The following ARHGAP15 variants were observed in gnomAD, a reference collection of about 807,000 sequenced individuals.
The protein encoded by ARHGAP15 is rho GTPase-activating protein 15.
ARHGAP15 carries 51 observed loss-of-function variants against 63.7 expected under a neutral mutation model. The ratio of observed to expected loss-of-function variants is 0.80; its 90% confidence interval spans 0.64 to 1.01. ARHGAP15 has a LOEUF of 1.01. Among genes scored for constraint, ARHGAP15 ranks in the 50% least tolerant of loss-of-function variants. The pLI, the probability that ARHGAP15 is intolerant of heterozygous loss-of-function variation, is 0.00. For synonymous variants in ARHGAP15, 191 were observed against 193.8 expected, an observed-to-expected ratio of 0.99 and a Z score of 0.12; for missense variants, 560 against 564.6, an observed-to-expected ratio of 0.99 and a Z score of 0.08.
chr2:143,403,885 G>A (rs1558948173), intron 6 of ARHGAP15, among the ~76,000 whole-genome samples: 1 of 151,100 alleles, frequency 6.6e-6, no homozygotes, highest in Non-Finnish European at 1.5e-5. Context: ...AACTATCCAT[G>A]CAAGACTCTC....
intron 10 of ARHGAP15, among the ~76,000 whole-genome samples, chr2:143,545,550 C>A (rs1352948822): frequency 1.3e-5 from 2 of 151,544 alleles, no homozygotes; most frequent in Non-Finnish European, 2.9e-5. Context: ...AGTTGGCAAG[C>A]GTTCTCGGGG....
chr2:143,237,161 A>T (rs1277996744), intron 5 of ARHGAP15: 1 of 152,158 alleles, frequency 6.6e-6, no homozygotes, highest in African/African-American at 2.4e-5. Context: ...GGGAACTGAT[A>T]TATATATCAG....
At chr2:143,715,610 G>A (rs1684776889) in intron 13 of ARHGAP15, among the ~76,000 whole-genome samples, 1 of 152,254 alleles carries the variant, frequency 6.6e-6, no homozygotes, top group African/African-American at 2.4e-5. Context: ...CCTTATAGAT[G>A]CTGTATATTA....
At chr2:143,377,782 A>T (rs577595729) in intron 6 of ARHGAP15, among the ~76,000 whole-genome samples, 1 of 152,222 alleles carries the variant, frequency 6.6e-6, no homozygotes, top group East Asian at 1.9e-4. Context: ...TTTGTTCCTG[A>T]TTGAGTATAC....
intron 6 of ARHGAP15, chr2:143,435,387 T>C (rs1207091776): frequency 2.6e-6 from 3 of 1,168,810 alleles, no homozygotes; most frequent in Admixed American, 8.9e-5. Context: ...CGTTCTATTA[T>C]TAAAACAATA....
intron 6 of ARHGAP15, among the ~76,000 whole-genome samples, chr2:143,309,825 A>G (rs1175570698): frequency 6.6e-6 from 1 of 151,412 alleles, no homozygotes; most frequent in African/African-American, 2.4e-5. Flanking sequence ...AATATCTCCA[A>G]ACATTTAGAC....
intron 2 of ARHGAP15, among the ~76,000 whole-genome samples, chr2:143,160,545 G>T (rs903118632): frequency 6.6e-6 from 1 of 151,876 alleles, no homozygotes; most frequent in Non-Finnish European, 1.5e-5. Context: ...TAGGAGTGCT[G>T]CTTTCAAGAC....
intron 6 of ARHGAP15, among the ~76,000 whole-genome samples, chr2:143,384,688 A>G (rs1393782325): frequency 6.6e-6 from 1 of 152,194 alleles, no homozygotes; most frequent in East Asian, 1.9e-4. Context: ...TCATTCAGGA[A>G]TCACCCATAT....
chr2:143,605,110 T>C (rs549259213), intron 11 of ARHGAP15, among the ~76,000 whole-genome samples: 14 of 152,114 alleles, frequency 9.2e-5, no homozygotes, highest in Non-Finnish European at 1.9e-4. Flanking sequence ...GATTTTACCA[T>C]GTTGGCCAGG....
At chr2:143,523,784 A>G (rs566832867) in intron 10 of ARHGAP15, among the ~76,000 whole-genome samples, 1 of 152,286 alleles carries the variant, frequency 6.6e-6, no homozygotes, top group East Asian at 1.9e-4. Flanking sequence ...TATGTACCCA[A>G]ACTATTTTAA....
chr2:143,563,674 C>A (rs1252963375), intron 11 of ARHGAP15, among the ~76,000 whole-genome samples: 4 of 152,110 alleles, frequency 2.6e-5, no homozygotes, highest in East Asian at 1.9e-4. Context: ...CCAAGAAAAA[C>A]CCCTAAGATA....
intron 10 of ARHGAP15, among the ~76,000 whole-genome samples, chr2:143,547,494 G>C (rs1459009938): frequency 6.6e-6 from 1 of 151,876 alleles, no homozygotes; most frequent in Non-Finnish European, 1.5e-5. Context: ...TGGAAACCAG[G>C]AAATAATATT....
intron 11 of ARHGAP15, among the ~76,000 whole-genome samples, chr2:143,609,811 G>A (rs1317982909): frequency 6.6e-6 from 1 of 152,126 alleles, no homozygotes; most frequent in East Asian, 1.9e-4. Context: ...GCAGAACAGA[G>A]GGCAGGAGAC....
chr2:143,155,224 A>G (rs1001480277), intron 1 of ARHGAP15, among the ~76,000 whole-genome samples: 1 of 151,948 alleles, frequency 6.6e-6, no homozygotes, highest in Non-Finnish European at 1.5e-5. Context: ...AATGGAATTA[A>G]GAAACACAGT....
At chr2:143,253,528 A>T (rs1295418790) in intron 6 of ARHGAP15, among the ~76,000 whole-genome samples, 1 of 152,124 alleles carries the variant, frequency 6.6e-6, no homozygotes, top group African/African-American at 2.4e-5. Context: ...CAATGACAAC[A>T]TTAATTATTA....
At chr2:143,136,449 C>T (rs1689146009) in intron 1 of ARHGAP15, among the ~76,000 whole-genome samples, 1 of 152,092 alleles carries the variant, frequency 6.6e-6, no homozygotes, top group South Asian at 2.1e-4. Flanking sequence ...AATTTACTCT[C>T]TGCTTTCAAG....
chr2:143,393,385 A>C (rs1187012873), intron 6 of ARHGAP15, among the ~76,000 whole-genome samples: 2 of 152,138 alleles, frequency 1.3e-5, no homozygotes, highest in Non-Finnish European at 2.9e-5. Flanking sequence ...CTTTTAGAAA[A>C]TCTCTCTAGA....
chr2:143,714,901 T>C (rs1684739848), intron 13 of ARHGAP15, among the ~76,000 whole-genome samples: 3 of 152,174 alleles, frequency 2.0e-5, no homozygotes, highest in African/African-American at 7.2e-5. Context: ...GTTCCAAACT[T>C]TCCCACATTT....
At chr2:143,317,208 C>CA (rs752187825) in intron 6 of ARHGAP15, among the ~76,000 whole-genome samples, 6,843 of 152,054 alleles carry the variant, frequency 0.045, no homozygotes, top group Non-Finnish European at 0.066. Flanking sequence ...TCCCCCAGTG[C>CA]CTATAAGAGT....
Sources: gnomAD v4.1 joint callset for allele counts (sites outside exome capture counted in the v4.1 genomes callset) on GRCh38, gnomAD v4.1.1 for gene constraint, MANE v1.5 for transcripts, NCBI Gene and HGNC (gene_info 2026-07-23, HGNC 2026-07-21) for gene names.